Variants in PRKN observed in about 807,000 individuals in gnomAD.
The protein encoded by PRKN is E3 ubiquitin-protein ligase parkin.
PRKN carries 56 observed loss-of-function variants against 59.5 expected under a neutral mutation model. The ratio of observed to expected loss-of-function variants is 0.94; its 90% CI spans 0.76 to 1.18. PRKN has a LOEUF of 1.18. PRKN is among the 50% of genes most tolerant of loss of function. PRKN has a pLI of 0.00. For synonymous variants in PRKN, 250 were observed against 222.1 expected (o/e 1.13, Z -1.12); for missense variants, 657 against 596.4 (o/e 1.10, Z -1.06).
At chr6:162,254,777 C>T (rs1211521766) in intron 3 of PRKN, among the ~76,000 whole-genome samples, 7 of 152,228 alleles carry the variant, frequency 4.6e-5, no homozygotes, top group South Asian at 4.1e-4. Context: ...GTGGGGTACA[C>T]ACTCATCGCC....
rs1785501670 is a variant in PRKN, at chr6:161,372,992, G to A, written c.1168-12787C>T. Among the ~76,000 whole-genome samples the A allele has an allele frequency of 6.6e-6, 1 of 151,844 alleles. No homozygotes were observed. The highest frequency in any genetic ancestry group is 1.5e-5 in the Non-Finnish European group (1 of 67,958). On this transcript the variant is annotated intron_variant, in intron 10 of 11. Coordinates refer to ENST00000366898, the MANE Select transcript of PRKN (RefSeq NM_004562.3). The surrounding 1 kb of genome is among the most constrained non-coding windows in gnomAD (Gnocchi z 4.2). ...TGCTGATCTTTAAAAAATATTTTTT[G>A]TAGAGATGGGGTCTCACTTTGTTGC... is the stretch of plus-strand genomic sequence containing the variant.
chr6:162,404,658 T>C (rs1000074986), intron 2 of PRKN, among the ~76,000 whole-genome samples: 1 of 152,218 alleles, frequency 6.6e-6, no homozygotes, highest in Admixed American at 6.5e-5. Flanking sequence ...GTTCAAGCGA[T>C]TCTCCTACCT....
At chr6:162,719,937 A>C (rs1194564883) in intron 1 of PRKN, among the ~76,000 whole-genome samples, 1 of 152,038 alleles carries the variant, frequency 6.6e-6, no homozygotes, top group East Asian at 1.9e-4. Flanking sequence ...TTGACCTCAG[A>C]AACACAGATA....
chr6:161,625,274 G>A (rs1783043883), intron 7 of PRKN, among the ~76,000 whole-genome samples: 1 of 152,130 alleles, frequency 6.6e-6, no homozygotes, highest in Non-Finnish European at 1.5e-5. Context: ...GGACATGGAT[G>A]AAGCTGGAAA....
chr6:161,524,282 A>G (rs1778940594), intron 9 of PRKN, among the ~76,000 whole-genome samples: 1 of 152,194 alleles, frequency 6.6e-6, no homozygotes, highest in Non-Finnish European at 1.5e-5. Flanking sequence ...CTCTGAATGA[A>G]ATGCTCCCAA....
chr6:161,504,519 G>A (rs937143315), intron 9 of PRKN, among the ~76,000 whole-genome samples: 1 of 95,828 alleles, frequency 1.0e-5, no homozygotes, highest in Admixed American at 9.9e-5. Flanking sequence ...CAAACACTGT[G>A]AAACTTTCTT....
At chr6:161,647,123 G>C (rs1177849415) in intron 7 of PRKN, among the ~76,000 whole-genome samples, 1 of 152,174 alleles carries the variant, frequency 6.6e-6, no homozygotes, top group Non-Finnish European at 1.5e-5. Context: ...GGTTGTGGAA[G>C]GTGTCCTACA....
chr6:162,414,166 G>A (rs1164554909), intron 2 of PRKN, among the ~76,000 whole-genome samples: 1 of 152,098 alleles, frequency 6.6e-6, no homozygotes, highest in Non-Finnish European at 1.5e-5. Context: ...CTGGGCCACA[G>A]GGTGAGACTC....
chr6:161,769,722 C>A (rs892747962), intron 7 of PRKN, among the ~76,000 whole-genome samples: 20 of 152,140 alleles, frequency 1.3e-4, no homozygotes, highest in African/African-American at 4.8e-4. Flanking sequence ...TTCCCCTCTG[C>A]CAGCTGGATC....
chr6:162,592,573 C>T (rs1226109583), intron 1 of PRKN, among the ~76,000 whole-genome samples: 1 of 152,114 alleles, frequency 6.6e-6, no homozygotes, highest in African/African-American at 2.4e-5. Flanking sequence ...AACACCACTG[C>T]TTCAGAATCT....
intron 2 of PRKN, among the ~76,000 whole-genome samples, chr6:162,432,774 T>C (rs144844938): frequency 1.7e-3 from 254 of 152,286 alleles, no homozygotes; most frequent in African/African-American, 5.8e-3. Context: ...TTGCCCTCTA[T>C]TTTACATTCA....
chr6:161,544,640 G>A lies in PRKN; in HGVS notation c.1083+4214C>T, dbSNP rs1779733327. Among the ~76,000 whole-genome samples, 1 of 152,118 alleles carries A rather than the reference G, an allele frequency of 6.6e-6. No homozygotes were observed. Among genetic ancestry groups the A allele is most frequent in the Admixed American group, 6.5e-5 (1 of 15,274 alleles). ...AAAGACAGGAAACCACTGTAACACT[G>A]CAGCTTGAATTCTGGGAGGTAGTAC... is the stretch of plus-strand genomic sequence containing the variant. On this transcript the variant is annotated intron_variant, in intron 9 of 11. Coordinates refer to ENST00000366898, the MANE Select transcript of PRKN (RefSeq NM_004562.3). The surrounding 1 kb of genome is among the most constrained non-coding windows in gnomAD (Gnocchi z 5.5).
rs573275866 is a variant in PRKN at position 161,376,602 on chromosome 6, G to T, written c.1167+10192C>A. On this transcript the variant is annotated intron_variant, in intron 10 of 11. Coordinates refer to ENST00000366898, the MANE Select transcript of PRKN (RefSeq NM_004562.3). The surrounding 1 kb of genome is among the most constrained non-coding windows in gnomAD (Gnocchi z 7.3). ...GCCCTTTTAGGGGGTGCTCTGCTCT[G>T]CTCCCAGTCCCACCACCTTGGGACT... 3.7e-4 allele frequency among the ~76,000 whole-genome samples: 56 copies of T among 152,264 alleles called. No individual in the cohort carries two copies. Among genetic ancestry groups the T allele is most frequent in the Middle Eastern group, 3.4e-3 (1 of 294 alleles).
At chr6:162,492,008 T>C (rs1298816367) in intron 1 of PRKN, among the ~76,000 whole-genome samples, 1 of 152,164 alleles carries the variant, frequency 6.6e-6, no homozygotes, top group African/African-American at 2.4e-5. Context: ...TAGGTGTGAC[T>C]GTGGCAGACG....
intron 4 of PRKN, among the ~76,000 whole-genome samples, chr6:162,199,281 C>T (rs1184193232): frequency 6.6e-6 from 1 of 151,988 alleles, no homozygotes; most frequent in African/African-American, 2.4e-5. Context: ...CAGGTTCAAC[C>T]TCCAAGTCCA....
At chr6:162,179,968 C>CTCTGTGTGTGTG (rs564672735) in intron 4 of PRKN, among the ~76,000 whole-genome samples, 1 of 139,724 alleles carries the variant, frequency 7.2e-6, no homozygotes, top group Non-Finnish European at 1.5e-5. Flanking sequence ...TATCTTATTA[C>CTCTGTGTGTGTG]TGTGTGTGTG....
Position 162,727,718 on chromosome 6 carries a change from A to T in PRKN, c.-50T>A. The stretch of plus-strand genomic sequence containing the variant: ...GGGCCAGGAACAGGCCCATGCGCGC[A>T]GCGGCGCCAGCCGCGCCTCCCACCA... On this transcript the variant is annotated 5_prime_UTR_variant, in exon 1 of 12. Coordinates refer to ENST00000366898, the MANE Select transcript of PRKN (RefSeq NM_004562.3). 6.5e-7 allele frequency: 1 copy of T among 1,547,736 alleles called. No homozygotes were observed. Among genetic ancestry groups the T allele is most frequent in the Middle Eastern group, 1.7e-4 (1 of 5,952 alleles).
At chr6:161,920,330 G>C (rs897616522) in intron 6 of PRKN, among the ~76,000 whole-genome samples, 1 of 151,984 alleles carries the variant, frequency 6.6e-6, no homozygotes, top group African/African-American at 2.4e-5. Context: ...GTTGCAGTGA[G>C]CCAAGATTGT....
chr6:162,313,009 T>C (rs1030150766), intron 2 of PRKN, among the ~76,000 whole-genome samples: 16 of 152,196 alleles, frequency 1.1e-4, no homozygotes, highest in Admixed American at 7.9e-4. Flanking sequence ...AAAATAATCT[T>C]GATTGACCTA....
Sources: gnomAD v4.1 joint callset for allele counts (sites outside exome capture counted in the v4.1 genomes callset) on GRCh38, gnomAD v4.1.1 for gene constraint, Gnocchi (gnomAD v3.1) non-coding constraint, MANE v1.5 for transcripts, NCBI Gene and HGNC (gene_info 2026-07-23, HGNC 2026-07-21) for gene names.